OAT: variants seen among roughly 807,000 people sequenced by gnomAD.
The protein encoded by OAT is ornithine aminotransferase, mitochondrial.
OAT carries 35 observed loss-of-function variants against 48.4 expected under a neutral mutation model. The observed-to-expected ratio is 0.72, with a 90% confidence interval of 0.55 to 0.96. The LOEUF is 0.96. Among genes scored for constraint, OAT ranks in the 40% least tolerant of loss-of-function variants. The pLI is 0.00. For synonymous variants in OAT, 182 were observed against 198.4 expected (o/e 0.92, Z 0.70); for missense variants, 438 against 537.9 (o/e 0.81, Z 1.84).
At chr10:124,407,246 G>A in intron 4 of OAT, 2 of 985,448 alleles carry the variant, frequency 2.0e-6, no homozygotes, top group Non-Finnish European at 1.2e-6. Context: ...GCTCTCCCCT[G>A]CCTAGCCTCA....
chr10:124,398,191 A>G, intron 9 of OAT, 89 bp from the exon 10 acceptor site: 1 of 1,406,280 alleles, frequency 7.1e-7, no homozygotes, highest in South Asian at 1.2e-5. Flanking sequence ...GCCTGGCAAA[A>G]CAAAATTAAC....
chr10:124,401,906 CAG>C, intron 7 of OAT, 67 bp from the exon 8 acceptor site: 1 of 1,171,586 alleles, frequency 8.5e-7, no homozygotes, highest in Non-Finnish European at 1.3e-6. Context: ...TCCTTTTCCC[CAG>C]AGTCTCGCTG....
chr10:124,406,599 T>G (rs940857596), intron 4 of OAT, among the ~76,000 whole-genome samples: 98 of 151,914 alleles, frequency 6.5e-4, no homozygotes, highest in African/African-American at 2.2e-3. Flanking sequence ...GCAGAACACA[T>G]GAGGTCAGGA....
chr10:124,397,727 A>G lies in OAT; in HGVS notation c.*215T>C. ...CATGCACATCAAAACACTTCAACTG[A>G]ATATAGATGCCATTACATTATTTAG... is the stretch of plus-strand genomic sequence containing the variant. On this transcript the variant is annotated 3_prime_UTR_variant, in exon 10 of 10. Transcript: ENST00000368845. The G allele has an allele frequency of 1.8e-6, 1 of 551,846 alleles. No homozygotes were observed. Among genetic ancestry groups the G allele is most frequent in the South Asian group, 2.1e-5 (1 of 48,570 alleles). 34.2% of individuals were successfully genotyped at this position (551,846 alleles called of 1,614,324 possible). A position where few individuals can be genotyped will look rare whatever the true frequency, so the allele number is the denominator to read the frequency against.
At chr10:124,402,033 C>G (rs1048609371) in intron 7 of OAT, among the ~76,000 whole-genome samples, 194 bp from the exon 8 acceptor site, 3 of 146,300 alleles carry the variant, frequency 2.1e-5, no homozygotes, top group African/African-American at 8.4e-5. Flanking sequence ...AGGTGCCCAC[C>G]ACCACACCAC....
chr10:124,402,139 A>G (rs563925205), intron 7 of OAT, among the ~76,000 whole-genome samples: 1 of 152,232 alleles, frequency 6.6e-6, no homozygotes, highest in African/African-American at 2.4e-5. Context: ...ACCTCAGGTG[A>G]TCTGCCTGCC....
chr10:124,404,841 C>T (rs1208181143), intron 5 of OAT, among the ~76,000 whole-genome samples: 6 of 152,088 alleles, frequency 3.9e-5, no homozygotes, highest in African/African-American at 9.7e-5. Context: ...GTCAAGTGTT[C>T]GAGACCAGCC....
chr10:124,406,984 A>AGAGGTTGG (rs895369674), intron 4 of OAT: 56 of 985,208 alleles, frequency 5.7e-5, no homozygotes, highest in Admixed American at 1.8e-4. Flanking sequence ...AAAATAACAG[A>AGAGGTTGG]GAGGTTGGGA....
chr10:124,416,290 G>C (rs979310665), intron 1 of OAT, among the ~76,000 whole-genome samples: 1 of 152,170 alleles, frequency 6.6e-6, no homozygotes, highest in African/African-American at 2.4e-5. Context: ...CAGATAAAGA[G>C]GTCAGTCTTA....
rs139741953 is a variant in OAT, at chr10:124,404,160, A to G, written c.649-240T>C. Among the ~76,000 whole-genome samples, 1,253 of 152,022 alleles carry G rather than the reference A, an allele frequency of 8.2e-3. 9 individuals are homozygous for G. Among genetic ancestry groups the G allele is most frequent in the Non-Finnish European group, 9.4e-3 (638 of 67,940 alleles). On this transcript the variant is annotated intron_variant, in intron 5 of 9. Coordinates refer to ENST00000368845, the MANE Select transcript of OAT (RefSeq NM_000274.4). ...TCTGTTGCCCAGGCTGGAGTATAGCAGCACAAACATGGCCCACTAAAGTCT... is the reference window on the plus strand; with the variant it reads ...TCTGTTGCCCAGGCTGGAGTATAGCGGCACAAACATGGCCCACTAAAGTCT...
At chr10:124,404,578 C>A (rs143279259) in intron 5 of OAT, among the ~76,000 whole-genome samples, 30 of 151,984 alleles carry the variant, frequency 2.0e-4, no homozygotes, top group Non-Finnish European at 3.1e-4. Flanking sequence ...TGAGTCACCG[C>A]GCCTGACCTT....
chr10:124,400,894 T>A lies in OAT; in HGVS notation c.1105A>T (p.Thr369Ser). 6.2e-7 allele frequency: 1 copy of A among 1,607,030 alleles called. No homozygotes were observed. The highest frequency in any genetic ancestry group is 8.5e-7 in the Non-Finnish European group (1 of 1,175,302). Residue 369 changes from threonine (T) to serine (S), a missense_variant, in exon 9 of 10, where the codon ACT (threonine) becomes TCT (serine). Physicochemically the swap from Thr to Ser is moderately conservative, Grantham distance 58. Transcript: ENST00000368845. ...AATAATCCTTTTCCTCTTACGGCAG[T>A]TACAACATCAGAAGGTAGCTTCATG... ...ELMKLPSDVV[T>S]AVRGKGLLNA...
chr10:124,404,036 C>T lies in OAT; in HGVS notation c.649-116G>A, dbSNP rs950112603. 2.8e-5 allele frequency: 35 copies of T among 1,247,650 alleles called. No individual in the cohort carries two copies. In the Admixed American group the frequency reaches 4.6e-4, roughly 16 times the overall value. The allele number at this position is 1,247,650 out of a possible 1,614,324, so 77.3% of individuals were successfully genotyped here. The stretch of plus-strand genomic sequence containing the variant: ...TATGCAAATCAAGTTTTCGCACTAA[C>T]GTAAATTCTGACTTCAAATTCACTG... On this transcript the variant is annotated intron_variant, in intron 5 of 9. Transcript: ENST00000368845.
chr10:124,416,996 A>G (rs554758421), intron 1 of OAT, among the ~76,000 whole-genome samples: 1 of 152,334 alleles, frequency 6.6e-6, no homozygotes, highest in South Asian at 2.1e-4. Context: ...ACCGGGGTCA[A>G]CTACAGCACA....
intron 4 of OAT, 125 bp downstream of exon 4, chr10:124,408,417 C>G: frequency 1.4e-6 from 1 of 727,276 alleles, no homozygotes; most frequent in Admixed American, 2.2e-5. Flanking sequence ...AACTCCAGGG[C>G]TCAAAGACTC....
intron 2 of OAT, among the ~76,000 whole-genome samples, chr10:124,409,551 T>C (rs1951692597): frequency 2.3e-5 from 1 of 43,872 alleles, no homozygotes; most frequent in Admixed American, 2.5e-4. Flanking sequence ...ATCCTGCCTA[T>C]AAAAAAAAAA....
chr10:124,403,438 T>G (rs956533462), intron 6 of OAT: 2 of 410,222 alleles, frequency 4.9e-6, no homozygotes, highest in Non-Finnish European at 4.5e-6. Context: ...GTAAACAAAA[T>G]ATACTACTAT....
intron 4 of OAT, among the ~76,000 whole-genome samples, chr10:124,406,354 G>A (rs562274250): frequency 2.0e-5 from 3 of 151,958 alleles, no homozygotes; most frequent in African/African-American, 7.2e-5. Context: ...AGCCAGGCAT[G>A]GTAGTGCACA....
At chr10:124,403,991 C>T in intron 5 of OAT, 71 bp from the exon 6 acceptor site, 1 of 1,575,264 alleles carries the variant, frequency 6.3e-7, no homozygotes, top group Non-Finnish European at 8.7e-7. Flanking sequence ...AAGCATATAC[C>T]ACACATATTT....
Sources: gnomAD v4.1 joint callset for allele counts (sites outside exome capture counted in the v4.1 genomes callset) on GRCh38, gnomAD v4.1.1 for gene constraint, MANE v1.5 for transcripts, NCBI Gene and HGNC (gene_info 2026-07-23, HGNC 2026-07-21) for gene names.